Variants in CCT3 observed in about 807,000 individuals in gnomAD.
CCT3 encodes the protein T-complex protein 1 subunit gamma.
CCT3 carries 10 observed loss-of-function variants against 65.3 expected under a neutral mutation model. The ratio of observed to expected loss-of-function variants is 0.15; its 90% confidence interval spans 0.09 to 0.26. CCT3 has a LOEUF of 0.26. Among genes scored for constraint, CCT3 ranks in the 10% least tolerant of loss-of-function variants. The pLI is 1.00. For synonymous variants in CCT3, 225 were observed against 242.3 expected (o/e 0.93, Z 0.66); for missense variants, 626 against 708.7 (o/e 0.88, Z 1.33).
At chr1:156,323,048 T>C (rs953300200) in intron 6 of CCT3, among the ~76,000 whole-genome samples, 6 of 152,058 alleles carry the variant, frequency 3.9e-5, no homozygotes, top group Admixed American at 3.9e-4. Flanking sequence ...GGCTCACGCC[T>C]GTAATCCCAG....
intron 8 of CCT3, among the ~76,000 whole-genome samples, chr1:156,317,774 T>C (rs1316891895): frequency 1.3e-5 from 2 of 151,698 alleles, no homozygotes; most frequent in East Asian, 3.9e-4. Flanking sequence ...AATGGCGCGA[T>C]CTTGGCTCAC....
intron 5 of CCT3, among the ~76,000 whole-genome samples, chr1:156,329,677 G>A (rs1570933290): frequency 6.6e-6 from 1 of 151,152 alleles, no homozygotes; most frequent in South Asian, 2.1e-4. Flanking sequence ...GGTGGCTCAC[G>A]TCTGTAATCC....
intron 5 of CCT3, among the ~76,000 whole-genome samples, chr1:156,330,424 G>T (rs1665056380): frequency 6.6e-6 from 1 of 152,202 alleles, no homozygotes; most frequent in East Asian, 1.9e-4. Flanking sequence ...CACTTTGGGA[G>T]GCTGAGGTGG....
intron 5 of CCT3, among the ~76,000 whole-genome samples, chr1:156,326,663 A>AAG (rs1194387508): frequency 2.6e-5 from 3 of 116,950 alleles, no homozygotes; most frequent in South Asian, 3.0e-4. Flanking sequence ...AAAAAAAAAA[A>AAG]AAAGAAAAAG....
chr1:156,329,303 CTTT>C lies in CCT3; in HGVS notation c.305-4217_305-4215del, dbSNP rs765770849. On this transcript the variant is annotated intron_variant, in intron 5 of 13. Coordinates refer to ENST00000295688, the MANE Select transcript of CCT3 (RefSeq NM_005998.5). ...CATTTGTCTCAGAACGTATCCCCAT[CTTT>C]TTTTTTTTTTTTTTTTTTGAGACGG... Among the ~76,000 whole-genome samples the C allele has an allele frequency of 9.4e-3, 1,122 of 119,478 alleles. 15 individuals are homozygous for C. Among genetic ancestry groups the C allele is most frequent in the African/African-American group, 0.031 (997 of 32,410 alleles). The allele number at this position is 119,478 out of a possible 152,430, so 78.4% of individuals were successfully genotyped here.
Position 156,312,042 on chromosome 1 carries a change from G to T in CCT3, c.1154C>A (p.Ser385Ter). 2 of 1,609,962 alleles carry T rather than the reference G, an allele frequency of 1.2e-6. No individual in the cohort carries two copies. The highest frequency in any genetic ancestry group is 1.1e-5 in the South Asian group (1 of 90,610). ...GTCATACATCCAAGGCTGACTCACC[G>T]AGAGAATCTCTTTGCTAGCCCCCCG... ...LLRGASKEIL[S>*]EVERNLQDAM... The change falls in exon 11 of 14, where the codon TCG becomes TAG. Residue 385 changes from serine (S) to a stop codon, truncating the protein, a stop_gained and splice_region_variant. Transcript: ENST00000295688. LOFTEE classifies it high-confidence loss of function.
At chr1:156,327,075 T>A (rs974065639) in intron 5 of CCT3, among the ~76,000 whole-genome samples, 4 of 152,184 alleles carry the variant, frequency 2.6e-5, no homozygotes, top group African/African-American at 7.2e-5. Context: ...AATTTGTCTT[T>A]ACTTTCTAAT....
At chr1:156,329,217 C>T (rs1189699209) in intron 5 of CCT3, among the ~76,000 whole-genome samples, 1 of 152,094 alleles carries the variant, frequency 6.6e-6, no homozygotes, top group African/African-American at 2.4e-5. Context: ...TAGGCCGTAC[C>T]ACCCAGGTTT....
In CCT3 at chr1:156,310,567, T is replaced by C; in HGVS notation, c.1524A>G (p.Thr508=). The change falls in exon 13 of 14, where the codon ACA becomes ACG. Residue 508 remains threonine (T), a synonymous_variant. Transcript: ENST00000295688. ...PLAVKLQTYK[T]AVETAVLLLR... The stretch of plus-strand genomic sequence containing the variant: ...TCTTAGGGTGCCTTACCTCCACTGC[T>C]GTCTTATAAGTCTGCAGCTTCACAG... 1 of 1,612,806 alleles carries C rather than the reference T, an allele frequency of 6.2e-7. No individual in the cohort carries two copies. The highest frequency in any genetic ancestry group is 8.5e-7 in the Non-Finnish European group (1 of 1,179,086).
At chr1:156,333,961 G>C (rs1665220782) in intron 4 of CCT3, among the ~76,000 whole-genome samples, 1 of 152,182 alleles carries the variant, frequency 6.6e-6, no homozygotes, top group Non-Finnish European at 1.5e-5. Context: ...AAGCCAGCTG[G>C]GCATGGTGGC....
chr1:156,310,113 T>C (rs1367485355), intron 13 of CCT3, among the ~76,000 whole-genome samples: 1 of 151,880 alleles, frequency 6.6e-6, no homozygotes, highest in Non-Finnish European at 1.5e-5. Flanking sequence ...ATTATCTTGC[T>C]TTTAGTACGA....
At chr1:156,321,240 T>C (rs1664542027) in intron 6 of CCT3, among the ~76,000 whole-genome samples, 1 of 152,220 alleles carries the variant, frequency 6.6e-6, no homozygotes, top group Non-Finnish European at 1.5e-5. Flanking sequence ...GGTGCCTTAA[T>C]TCCCTGAGCA....
Position 156,318,912 on chromosome 1 carries a change from C to A in CCT3, c.715G>T (p.Val239Leu). 1 of 1,614,146 alleles carries A rather than the reference C, an allele frequency of 6.2e-7. No individual in the cohort carries two copies. Among genetic ancestry groups the A allele is most frequent in the Non-Finnish European group, 8.5e-7 (1 of 1,180,038 alleles). ...TATTCCAGAGAAGAATCCAGCAGCACAATGCGAGGGTTCTTGATATAGCGC... is the reference window on the plus strand; with the variant it reads ...TATTCCAGAGAAGAATCCAGCAGCAAAATGCGAGGGTTCTTGATATAGCGC... ...MRRYIKNPRIVLLDSSLEYKK... is the reference protein window; with the variant it reads ...MRRYIKNPRILLLDSSLEYKK... Residue 239 changes from valine to leucine, a missense_variant, in exon 8 of 14, where the codon GTG becomes TTG. By Grantham distance (32) the Val-to-Leu change is conservative. Coordinates refer to ENST00000295688, the MANE Select transcript of CCT3 (RefSeq NM_005998.5).
rs374536937 is a variant in CCT3 at position 156,318,819 on chromosome 1, G to A, written c.759+49C>T. The A allele has an allele frequency of 3.9e-5, 62 of 1,574,760 alleles. No individual in the cohort carries two copies. The African/African-American group carries it at 7.9e-4, about 20-fold the overall frequency. On this transcript the variant is annotated intron_variant, in intron 8 of 13. Transcript: ENST00000295688. ...CGTTTTATTTCTGTTGTTCATATTTGCAGTCAGATTCTTGCATCTACTTTA... is the reference window on the plus strand; with the variant it reads ...CGTTTTATTTCTGTTGTTCATATTTACAGTCAGATTCTTGCATCTACTTTA...
rs2101690444 is a variant in CCT3, at chr1:156,338,226, CG to C, written c.-43del. ...GCCGGGTACCCAGAGCTGGGGGAACCGGCAGAACCTTCTGGAGAGAGAGAAC... is the reference window on the plus strand; with the variant it reads ...GCCGGGTACCCAGAGCTGGGGGAACCGCAGAACCTTCTGGAGAGAGAGAAC... On this transcript the variant is annotated 5_prime_UTR_variant, in exon 1 of 14. Coordinates refer to ENST00000295688, the MANE Select transcript of CCT3 (RefSeq NM_005998.5). 1 of 1,567,510 alleles carries C rather than the reference CG, an allele frequency of 6.4e-7. No homozygotes were observed. Among genetic ancestry groups the C allele is most frequent in the Non-Finnish European group, 8.6e-7 (1 of 1,156,416 alleles).
chr1:156,312,702 A>C (rs559305241), intron 10 of CCT3, among the ~76,000 whole-genome samples: 1 of 152,122 alleles, frequency 6.6e-6, no homozygotes, highest in Non-Finnish European at 1.5e-5. Context: ...AACAAAAAAA[A>C]CTGAAGCCAT....
chr1:156,312,041 C>G lies in CCT3; in HGVS notation c.1155G>C (p.Ser385=), dbSNP rs749756620. The change falls in exon 11 of 14, where the codon TCG becomes TCC. Residue 385 remains serine, a splice_region_variant and synonymous_variant. Coordinates refer to ENST00000295688, the MANE Select transcript of CCT3 (RefSeq NM_005998.5). ...LLRGASKEIL[S]EVERNLQDAM... is the part of the protein sequence containing the mutation. ...GGTCATACATCCAAGGCTGACTCAC[C>G]GAGAGAATCTCTTTGCTAGCCCCCC... is the stretch of plus-strand genomic sequence containing the variant. 1 of 1,609,122 alleles carries G rather than the reference C, an allele frequency of 6.2e-7. No individual in the cohort carries two copies. Among genetic ancestry groups the G allele is most frequent in the African/African-American group, 1.3e-5 (1 of 74,664 alleles).
chr1:156,322,970 A>C (rs1664627255), intron 6 of CCT3, among the ~76,000 whole-genome samples: 1 of 151,956 alleles, frequency 6.6e-6, no homozygotes, highest in South Asian at 2.1e-4. Flanking sequence ...CCTCATTCTT[A>C]AGTGTGCCAG....
At chr1:156,322,690 T>C (rs188855186) in intron 6 of CCT3, among the ~76,000 whole-genome samples, 3 of 151,636 alleles carry the variant, frequency 2.0e-5, no homozygotes, top group Non-Finnish European at 2.9e-5. Context: ...AAAAACTCCG[T>C]CTCTACTAAA....
Sources: allele counts gnomAD v4.1 joint callset (sites outside exome capture counted in the v4.1 genomes callset), GRCh38; gene constraint gnomAD v4.1.1; transcripts MANE v1.5; gene names NCBI Gene and HGNC (gene_info 2026-07-23, HGNC 2026-07-21).